The following EPS15 variants were observed in gnomAD, a reference collection of about 807,000 sequenced individuals.
EPS15 encodes epidermal growth factor receptor substrate 15.
A neutral mutation model predicts 113.8 loss-of-function variants in EPS15; 72 were observed. That is an observed-to-expected ratio of 0.63 (90% confidence interval 0.52 to 0.77). The LOEUF (loss-of-function observed/expected upper bound fraction) is 0.77. Among genes scored for constraint, EPS15 ranks in the 30% least tolerant of loss-of-function variants. EPS15 has a pLI of 0.00. For synonymous variants in EPS15, 344 were observed against 363.4 expected (o/e 0.95, Z 0.61); for missense variants, 1,048 against 1,045.8 (o/e 1.00, Z -0.03).
At chr1:51,449,560 CCT>C (rs1320137497) in intron 8 of EPS15, among the ~76,000 whole-genome samples, 1 of 149,240 alleles carries the variant, frequency 6.7e-6, no homozygotes, top group African/African-American at 2.6e-5. Context: ...TACATGTACC[CCT>C]GAACCTAAAA....
In EPS15 at chr1:51,356,778, A is replaced by G; in HGVS notation, c.2613T>C (p.Leu871=). The change falls in exon 25 of 25, where the codon CTT becomes CTC. Residue 871 remains leucine (L), a synonymous_variant. Coordinates refer to ENST00000371733, the MANE Select transcript of EPS15 (RefSeq NM_001981.3). The part of the protein sequence containing the change: ...RESEREEEQR[L]ARLNQQEQED... ...CTTGTTCCTGCTGATTTAGTCGGGCAAGCCTCTGCTCTTCCTCTCTCTCAC... is the reference window on the plus strand; with the variant it reads ...CTTGTTCCTGCTGATTTAGTCGGGCGAGCCTCTGCTCTTCCTCTCTCTCAC... 6.2e-7 allele frequency: 1 copy of G among 1,613,952 alleles called. No individual in the cohort carries two copies. Among genetic ancestry groups the G allele is most frequent in the African/African-American group, 1.3e-5 (1 of 75,046 alleles).
At chr1:51,432,298 T>TTATGTATG (rs71063032) in intron 12 of EPS15, among the ~76,000 whole-genome samples, 7,505 of 145,940 alleles carry the variant, frequency 0.051, 234 homozygotes, top group East Asian at 0.091. Flanking sequence ...GCCACATAGA[T>TTATGTATG]TATGTATGTA....
intron 12 of EPS15, among the ~76,000 whole-genome samples, chr1:51,427,808 T>C (rs368907379): frequency 7.2e-5 from 11 of 152,242 alleles, no homozygotes; most frequent in Non-Finnish European, 1.5e-4. Context: ...ACAGAAGATG[T>C]TGGCAAAACA....
chr1:51,465,116 T>A (rs990961524), intron 6 of EPS15, 145 bp downstream of exon 6: 2 of 488,012 alleles, frequency 4.1e-6, no homozygotes, highest in Non-Finnish European at 7.3e-6. Context: ...GAAAGATCCC[T>A]CAGAAACACC....
At chr1:51,361,023 C>CA (rs1177593479) in intron 24 of EPS15, 148 bp downstream of exon 24, 1 of 635,332 alleles carries the variant, frequency 1.6e-6, no homozygotes, top group Non-Finnish European at 2.7e-6. Flanking sequence ...CAGGATCAAA[C>CA]AGAGGTTTTG....
chr1:51,420,186 T>C (rs1650619373), intron 13 of EPS15, among the ~76,000 whole-genome samples: 1 of 152,092 alleles, frequency 6.6e-6, no homozygotes, highest in African/African-American at 2.4e-5. Context: ...CCATTGCCAC[T>C]AAGTAAGAAG....
rs187708383 is a variant in EPS15, at chr1:51,512,582, G to C, written c.33+6617C>G. Among the ~76,000 whole-genome samples the C allele has an allele frequency of 7.0e-3, 1,067 of 151,608 alleles. 7 individuals carry two copies. Among genetic ancestry groups the C allele is most frequent in the African/African-American group, 0.025 (1,024 of 41,314 alleles). Reference sequence around the variant, plus strand: ...AAGAAGAGTTCTTACAAATCAGTGAGAAAGAAGACAAACAGCCCATCAAGA... The same window carrying C: ...AAGAAGAGTTCTTACAAATCAGTGACAAAGAAGACAAACAGCCCATCAAGA... On this transcript the variant is annotated intron_variant, in intron 1 of 24. Transcript: ENST00000371733.
At chr1:51,480,064 C>T (rs1643991810) in intron 2 of EPS15, among the ~76,000 whole-genome samples, 1 of 152,192 alleles carries the variant, frequency 6.6e-6, no homozygotes, top group Non-Finnish European at 1.5e-5. Context: ...TTAAAAAGTA[C>T]AGTCTGAGAT....
At chr1:51,357,391 A>AAAAAAAAAAAAAAAT (rs1491245303) in intron 24 of EPS15, among the ~76,000 whole-genome samples, 2 of 65,720 alleles carry the variant, frequency 3.0e-5, no homozygotes, top group African/African-American at 1.4e-4. Context: ...AAAAAAAAAA[A>AAAAAAAAAAAAAAAT]ATATATATAT....
In EPS15 at chr1:51,440,329, T is replaced by C. The variant is rs1248525963; in HGVS notation, c.1040+18A>G. 2 of 1,154,742 alleles carry C rather than the reference T, an allele frequency of 1.7e-6. No homozygotes were observed. The highest frequency in any genetic ancestry group is 2.6e-5 in the South Asian group (2 of 75,512). The allele number at this position is 1,154,742 out of a possible 1,614,324, so 71.5% of individuals were successfully genotyped here. Reference sequence around the variant, plus strand: ...TGTGTGTGTGTATGTGAGTAGGCTGTAATTTTGCTTTACATACCTCTGTAG... The same window carrying C: ...TGTGTGTGTGTATGTGAGTAGGCTGCAATTTTGCTTTACATACCTCTGTAG... On this transcript the variant is annotated intron_variant, in intron 12 of 24. Transcript: ENST00000371733.
At chr1:51,385,887 T>C (rs1647055081) in intron 21 of EPS15, among the ~76,000 whole-genome samples, 1 of 152,036 alleles carries the variant, frequency 6.6e-6, no homozygotes, top group East Asian at 1.9e-4. Flanking sequence ...AGAGGGAGGA[T>C]AGGGAGTTAT....
chr1:51,366,242 G>GT (rs1646505381), intron 21 of EPS15, among the ~76,000 whole-genome samples: 1 of 151,952 alleles, frequency 6.6e-6, no homozygotes, highest in African/African-American at 2.4e-5. Flanking sequence ...TAATTTTTGT[G>GT]TTTTTTGTAG....
chr1:51,487,916 C>T (rs1303677029), intron 1 of EPS15, among the ~76,000 whole-genome samples: 2 of 151,732 alleles, frequency 1.3e-5, no homozygotes, highest in African/African-American at 4.8e-5. Context: ...TTGTTATTGT[C>T]GGACTATGAA....
intron 8 of EPS15, among the ~76,000 whole-genome samples, chr1:51,451,181 T>C (rs1244317244): frequency 6.6e-6 from 1 of 151,916 alleles, no homozygotes; most frequent in Non-Finnish European, 1.5e-5. Flanking sequence ...TATTTGTTTA[T>C]ATTTGCATTA....
chr1:51,503,267 G>A lies in EPS15; in HGVS notation c.33+15932C>T, dbSNP rs371237912. 3.9e-5 allele frequency among the ~76,000 whole-genome samples: 6 copies of A among 152,276 alleles called. No individual in the cohort carries two copies. The South Asian group carries it at 1.2e-3, about 32-fold the overall frequency. On this transcript the variant is annotated intron_variant, in intron 1 of 24. Coordinates refer to ENST00000371733, the MANE Select transcript of EPS15 (RefSeq NM_001981.3). ...GAGAATTCCAACTGACTGTTTTGTAGAAACTGGCAAGCTGATTCTGAAATT... is the reference window on the plus strand; with the variant it reads ...GAGAATTCCAACTGACTGTTTTGTAAAAACTGGCAAGCTGATTCTGAAATT...
chr1:51,484,565 C>T (rs1396472206), intron 1 of EPS15, among the ~76,000 whole-genome samples: 1 of 152,100 alleles, frequency 6.6e-6, no homozygotes, highest in Non-Finnish European at 1.5e-5. Context: ...AGTGCTTTCA[C>T]CACATAAACA....
intron 1 of EPS15, among the ~76,000 whole-genome samples, chr1:51,499,381 A>C (rs1163855699): frequency 6.6e-6 from 1 of 152,038 alleles, no homozygotes; most frequent in Non-Finnish European, 1.5e-5. Flanking sequence ...CTCTTCACGG[A>C]CACTTGGGTT....
chr1:51,421,681 T>G, intron 13 of EPS15, 105 bp downstream of exon 13: 1 of 550,234 alleles, frequency 1.8e-6, no homozygotes, highest in Non-Finnish European at 3.0e-6. Flanking sequence ...ACATTAGGCA[T>G]TCTCTTGACC....
chr1:51,499,288 A>G (rs1373292724), intron 1 of EPS15, among the ~76,000 whole-genome samples: 2 of 152,212 alleles, frequency 1.3e-5, no homozygotes, highest in African/African-American at 4.8e-5. Context: ...CAAGTCTTCA[A>G]GGTTTCTTCA....
Sources: allele counts gnomAD v4.1 joint callset (sites outside exome capture counted in the v4.1 genomes callset), GRCh38; gene constraint gnomAD v4.1.1; transcripts MANE v1.5; gene names NCBI Gene and HGNC (gene_info 2026-07-23, HGNC 2026-07-21).